The following MPHOSPH6 variants were observed in gnomAD, a reference collection of about 807,000 sequenced individuals.
The protein encoded by MPHOSPH6 is M-phase phosphoprotein 6.
In MPHOSPH6, 25 loss-of-function variants were observed where a neutral mutation model predicts 21.8. That is an observed-to-expected ratio of 1.15 (90% CI 0.83 to 1.60). The LOEUF is 1.60. Ranked by LOEUF, MPHOSPH6 falls within the 40% of genes most tolerant of loss-of-function variation. MPHOSPH6 has a pLI of 0.00. For synonymous variants in MPHOSPH6, 84 were observed against 56.5 expected, an observed-to-expected ratio of 1.49 and a Z score of -2.18; for missense variants, 269 against 181.8, an observed-to-expected ratio of 1.48 and a Z score of -2.76.
intron 2 of MPHOSPH6, among the ~76,000 whole-genome samples, chr16:82,158,498 CAAAAAA>C (rs3037959): frequency 3.4e-4 from 28 of 81,508 alleles, no homozygotes; most frequent in Middle Eastern, 8.1e-3. Flanking sequence ...GACTCCGTCT[CAAAAAA>C]AAAAAAAAAA....
At chr16:82,161,527 T>C (rs930585122) in intron 2 of MPHOSPH6, among the ~76,000 whole-genome samples, 9 of 152,200 alleles carry the variant, frequency 5.9e-5, no homozygotes, top group Non-Finnish European at 1.2e-4. Flanking sequence ...AGGCAATAGA[T>C]AGCAAAATCT....
chr16:82,155,547 T>C (rs865956307), intron 2 of MPHOSPH6, among the ~76,000 whole-genome samples: 18 of 152,186 alleles, frequency 1.2e-4, no homozygotes, highest in African/African-American at 4.3e-4. Flanking sequence ...AAAAACTCTA[T>C]TTATGATATA....
intron 3 of MPHOSPH6, among the ~76,000 whole-genome samples, 196 bp from the exon 4 acceptor site, chr16:82,149,599 C>G (rs1011273274): frequency 6.6e-6 from 1 of 152,148 alleles, no homozygotes; most frequent in African/African-American, 2.4e-5. Flanking sequence ...AATAGTAAGG[C>G]AAAGCCCCAC....
At chr16:82,157,574 A>G (rs1216550981) in intron 2 of MPHOSPH6, among the ~76,000 whole-genome samples, 2 of 152,220 alleles carry the variant, frequency 1.3e-5, no homozygotes, top group Non-Finnish European at 2.9e-5. Context: ...TGCATGCACT[A>G]TCAAAACACA....
chr16:82,151,607 T>C, intron 2 of MPHOSPH6, 93 bp from the exon 3 acceptor site: 1 of 1,399,544 alleles, frequency 7.1e-7, no homozygotes, highest in South Asian at 1.8e-5. Context: ...CAACCTATGG[T>C]TCTCAGTAGA....
intron 2 of MPHOSPH6, among the ~76,000 whole-genome samples, chr16:82,158,760 C>G (rs1043242880): frequency 6.6e-6 from 1 of 152,272 alleles, no homozygotes; most frequent in South Asian, 2.1e-4. Context: ...TTCCGAATAG[C>G]TTTTATCTGT....
chr16:82,169,043 A>C (rs781763316), intron 1 of MPHOSPH6, among the ~76,000 whole-genome samples: 3 of 152,198 alleles, frequency 2.0e-5, no homozygotes, highest in Non-Finnish European at 2.9e-5. Flanking sequence ...GCCTGTAGTC[A>C]CCTCAAAGTG....
At chr16:82,158,781 T>A (rs1485603790) in intron 2 of MPHOSPH6, among the ~76,000 whole-genome samples, 2 of 152,240 alleles carry the variant, frequency 1.3e-5, no homozygotes, top group East Asian at 3.8e-4. Context: ...CATCTTGGGC[T>A]TGATAGCTTC....
At chr16:82,165,923 A>G (rs753734955) in intron 1 of MPHOSPH6, among the ~76,000 whole-genome samples, 14 of 152,240 alleles carry the variant, frequency 9.2e-5, no homozygotes, top group Non-Finnish European at 1.5e-4. Flanking sequence ...GCTGAAGAGA[A>G]TGTGAAGAAA....
intron 2 of MPHOSPH6, among the ~76,000 whole-genome samples, chr16:82,163,636 A>G (rs1297618294): frequency 6.6e-6 from 1 of 152,270 alleles, no homozygotes; most frequent in Non-Finnish European, 1.5e-5. Context: ...ATGTTAGCTA[A>G]AATGGATGGT....
intron 2 of MPHOSPH6, among the ~76,000 whole-genome samples, chr16:82,152,176 T>C (rs1906285532): frequency 2.0e-5 from 3 of 152,224 alleles, no homozygotes; most frequent in African/African-American, 2.4e-5. Context: ...TGAACACAGG[T>C]CTGAGCTGTG....
At chr16:82,153,352 A>G (rs1906328212) in intron 2 of MPHOSPH6, among the ~76,000 whole-genome samples, 1 of 152,212 alleles carries the variant, frequency 6.6e-6, no homozygotes, top group Non-Finnish European at 1.5e-5. Flanking sequence ...ATTTTCAGAT[A>G]ATGAACAAAT....
chr16:82,151,368 A>G (rs2303268), intron 3 of MPHOSPH6, 56 bp downstream of exon 3: 224,671 of 1,591,008 alleles, frequency 0.14, 20,599 homozygotes, highest in Admixed American at 0.43. Context: ...CCCAATTATT[A>G]GCAGAAAAAA....
intron 1 of MPHOSPH6, among the ~76,000 whole-genome samples, chr16:82,165,870 T>A (rs115551452): frequency 8.4e-6 from 1 of 119,028 alleles, no homozygotes; most frequent in East Asian, 2.6e-4. Flanking sequence ...TCCCTGTTGT[T>A]AAATCATGTG....
At chr16:82,151,639 A>G (rs543963918) in intron 2 of MPHOSPH6, 125 bp from the exon 3 acceptor site, 14 of 1,284,628 alleles carry the variant, frequency 1.1e-5, no homozygotes, top group Non-Finnish European at 1.4e-5. Flanking sequence ...ATACAGTAAG[A>G]TTTCTAACTT....
intron 1 of MPHOSPH6, among the ~76,000 whole-genome samples, chr16:82,168,857 C>A (rs1198153272): frequency 6.6e-6 from 1 of 152,194 alleles, no homozygotes; most frequent in East Asian, 1.9e-4. Context: ...TTGCTACTCT[C>A]TAGAAGTAGT....
chr16:82,158,856 T>C (rs1432988319), intron 2 of MPHOSPH6, among the ~76,000 whole-genome samples: 1 of 152,256 alleles, frequency 6.6e-6, no homozygotes, highest in Non-Finnish European at 1.5e-5. Flanking sequence ...TTTTTGATAT[T>C]GTATAACAAG....
intron 2 of MPHOSPH6, among the ~76,000 whole-genome samples, chr16:82,155,904 C>CAAA (rs529834500): frequency 2.0e-5 from 2 of 101,814 alleles, no homozygotes; most frequent in Admixed American, 1.0e-4. Context: ...CACTCTGTCT[C>CAAA]AAAAAAAAAA....
intron 3 of MPHOSPH6, among the ~76,000 whole-genome samples, chr16:82,150,107 A>G (rs916690866): frequency 1.3e-5 from 2 of 152,062 alleles, no homozygotes; most frequent in Non-Finnish European, 2.9e-5. Context: ...CTAAGGCTTA[A>G]AAGAGTGATA....
Sources: allele counts gnomAD v4.1 joint callset (sites outside exome capture counted in the v4.1 genomes callset), GRCh38; gene constraint gnomAD v4.1.1; transcripts MANE v1.5; gene names NCBI Gene and HGNC (gene_info 2026-07-23, HGNC 2026-07-21).